Variants in GRK7 observed in about 807,000 individuals in gnomAD.
The protein encoded by GRK7 is G protein-coupled receptor kinase 7.
GRK7 carries 24 observed loss-of-function variants against 34.1 expected under a neutral mutation model. The observed-to-expected ratio is 0.70, with a 90% CI of 0.51 to 0.99. GRK7 has a LOEUF of 0.99. Ranked by LOEUF, GRK7 falls within the 50% of genes least tolerant of loss-of-function variation. GRK7 has a pLI of 0.00. For missense variants in GRK7, 644 were observed against 707.3 expected, an observed-to-expected ratio of 0.91 and a Z score of 1.02; for synonymous variants, 256 against 279.4, an observed-to-expected ratio of 0.92 and a Z score of 0.84.
At chr3:141,762,851 C>G (rs1252198658), upstream of GRK7, among the ~76,000 whole-genome samples, 1 of 152,242 alleles carries the variant, frequency 6.6e-6, no homozygotes, top group Admixed American at 6.5e-5. Context: ...TTAAGCCGGT[C>G]TGAAAAGCGC....
chr3:141,767,961 T>A (rs1190873702), intron 1 of GRK7, among the ~76,000 whole-genome samples: 1 of 152,228 alleles, frequency 6.6e-6, no homozygotes, highest in Non-Finnish European at 1.5e-5. Context: ...TAACATGCAT[T>A]CTATTTAACT....
intron 1 of GRK7, among the ~76,000 whole-genome samples, chr3:141,774,124 A>G (rs2084628309): frequency 6.6e-6 from 1 of 152,176 alleles, no homozygotes; most frequent in South Asian, 2.1e-4. Context: ...TCTGGATCCT[A>G]TTGTTAGCAA....
At chr3:141,789,293 G>C (rs1208444495) in intron 4 of GRK7, among the ~76,000 whole-genome samples, 2 of 152,020 alleles carry the variant, frequency 1.3e-5, no homozygotes, top group East Asian at 3.8e-4. Context: ...AGTGTCCCTG[G>C]GAGTCTCTGT....
intron 3 of GRK7, 148 bp downstream of exon 3, chr3:141,779,044 T>C (rs2084657247): frequency 1.3e-6 from 1 of 796,602 alleles, no homozygotes; most frequent in Non-Finnish European, 1.9e-6. Context: ...CCCAGCCCCC[T>C]TCTTTGTGTG....
chr3:141,815,083 C>CAGGCACACT (rs1168338854), intron 5 of GRK7, among the ~76,000 whole-genome samples: 3 of 152,048 alleles, frequency 2.0e-5, no homozygotes, highest in African/African-American at 7.2e-5. Context: ...CTCTGTCACA[C>CAGGCACACT]CTGTCTAATT....
upstream of GRK7, among the ~76,000 whole-genome samples, chr3:141,761,653 A>T (rs1049984132): frequency 2.7e-4 from 28 of 103,608 alleles, 1 homozygote; most frequent in Non-Finnish European, 4.4e-4. Flanking sequence ...CTGAATCTGA[A>T]CGTTGGCCTG....
In GRK7 at chr3:141,805,752, T is replaced by C. The variant is rs183017794; in HGVS notation, c.1051-1893T>C. 2.6e-5 allele frequency among the ~76,000 whole-genome samples: 4 copies of C among 152,322 alleles called. No individual in the cohort carries two copies. The East Asian group carries it at 5.8e-4, about 22-fold the overall frequency. ...ATTTCTAAAGCATTACATTAAAAAA[T>C]ACTTAAGCAACTAGAAATAAAACAC... On this transcript the variant is annotated intron_variant, in intron 4 of 5. Transcript: ENST00000682958.
chr3:141,775,793 T>G (rs1040841629), intron 2 of GRK7, among the ~76,000 whole-genome samples: 3 of 127,684 alleles, frequency 2.3e-5, no homozygotes, highest in Non-Finnish European at 4.9e-5. Flanking sequence ...TTTCGCCTGT[T>G]TTTTTTTTAT....
At chr3:141,770,616 C>A (rs1422285673) in intron 1 of GRK7, among the ~76,000 whole-genome samples, 1 of 150,650 alleles carries the variant, frequency 6.6e-6, no homozygotes. Flanking sequence ...CAGACGTTGC[C>A]AAAAGAAGAC....
At chr3:141,804,562 CACACACATACACAT>C (rs755479145) in intron 4 of GRK7, among the ~76,000 whole-genome samples, 3,573 of 151,272 alleles carry the variant, frequency 0.024, 122 homozygotes, top group African/African-American at 0.082. Context: ...ACTCACATAA[CACACACATACACAT>C]ACACACATAC....
the GRK7 span, among the ~76,000 whole-genome samples, chr3:141,757,198 C>T: frequency 0.063 from 8,896 of 140,416 alleles, 285 homozygotes; most frequent in South Asian, 0.11. Context: ...GTGCACATTG[C>T]GCAGGTTAGT....
At chr3:141,753,472 CAG>C in the GRK7 span, among the ~76,000 whole-genome samples, 2 of 152,218 alleles carry the variant, frequency 1.3e-5, no homozygotes, top group African/African-American at 4.8e-5. Flanking sequence ...CTCAGATCCT[CAG>C]GCATTAGTTA....
chr3:141,818,910 C>G lies in GRK7; in HGVS notation c.*1860C>G, dbSNP rs1330377879. 2.0e-5 allele frequency among the ~76,000 whole-genome samples: 3 copies of G among 152,196 alleles called. No individual in the cohort carries two copies. The highest frequency in any genetic ancestry group is 4.4e-5 in the Non-Finnish European group (3 of 68,022). ...AGAAGAAGCCCTCTGAGAGTTGAGG[C>G]CTCGGCCGGTGCACCTGCGGCTCAC... On this transcript the variant is annotated 3_prime_UTR_variant, in exon 6 of 6. Transcript: ENST00000682958.
At chr3:141,755,598 C>T in the GRK7 span, among the ~76,000 whole-genome samples, 1 of 152,132 alleles carries the variant, frequency 6.6e-6, no homozygotes, top group East Asian at 1.9e-4. Context: ...CCCATTATGC[C>T]TCATCAGAAA....
At chr3:141,814,592 T>G (rs1001513254) in intron 5 of GRK7, among the ~76,000 whole-genome samples, 3 of 152,254 alleles carry the variant, frequency 2.0e-5, no homozygotes, top group Non-Finnish European at 4.4e-5. Context: ...TTCCATATTG[T>G]GTATGTACCA....
chr3:141,813,526 C>T (rs1577929148), intron 5 of GRK7, among the ~76,000 whole-genome samples: 1 of 152,182 alleles, frequency 6.6e-6, no homozygotes, highest in East Asian at 1.9e-4. Context: ...GCAGTCGGTT[C>T]TGGTAGATGG....
chr3:141,790,844 G>A (rs1442466014), intron 4 of GRK7, among the ~76,000 whole-genome samples: 5 of 152,068 alleles, frequency 3.3e-5, no homozygotes, highest in East Asian at 1.9e-4. Context: ...GATTACAGGC[G>A]TAAGCCACCG....
At position 141,798,710 on chromosome 3, in the gene GRK7, A is replaced by C. The variant is rs1710918611; in HGVS notation, c.1051-8935A>C. On this transcript the variant is annotated intron_variant, in intron 4 of 5. Transcript: ENST00000682958. ...CTCTGAGGAGGCAGTTCACATGCAG[A>C]AGACAAATGGCATAAAGGGCAGGCA... Among the ~76,000 whole-genome samples, 5 of 152,316 alleles carry C rather than the reference A, an allele frequency of 3.3e-5. No homozygotes were observed. In the South Asian group the frequency reaches 1.0e-3, roughly 32 times the overall value.
the GRK7 span, among the ~76,000 whole-genome samples, chr3:141,755,577 C>G: frequency 6.6e-6 from 1 of 152,126 alleles, no homozygotes; most frequent in Admixed American, 6.5e-5. Context: ...CAGTTGGCAC[C>G]TGAAAATGTG....
Sources: allele counts gnomAD v4.1 joint callset (sites outside exome capture counted in the v4.1 genomes callset), GRCh38; gene constraint gnomAD v4.1.1; transcripts MANE v1.5; gene names NCBI Gene and HGNC (gene_info 2026-07-23, HGNC 2026-07-21).